The following DYNC2I1 variants were observed in gnomAD, a reference collection of about 807,000 sequenced individuals.
The protein encoded by DYNC2I1 is dynein 2 intermediate chain 1.
Under a neutral mutation model 133.4 loss-of-function variants are expected in DYNC2I1, and 89 were observed. The observed-to-expected ratio is 0.67, with a 90% confidence interval of 0.56 to 0.80. DYNC2I1 has a LOEUF of 0.80. Among genes scored for constraint, DYNC2I1 ranks in the 30% least tolerant of loss-of-function variants. The probability of loss-of-function intolerance (pLI) is 0.00; values close to 1 mark genes in which losing one functional copy is unlikely to be tolerated. For missense variants in DYNC2I1, 1,291 were observed against 1,314.5 expected (o/e 0.98, Z 0.28); for synonymous variants, 504 against 484.3 (o/e 1.04, Z -0.54).
chr7:158,910,997 C>A (rs181914479), intron 11 of DYNC2I1, among the ~76,000 whole-genome samples: 1 of 150,108 alleles, frequency 6.7e-6, no homozygotes, highest in South Asian at 2.1e-4. Flanking sequence ...GCGCGAATGG[C>A]TGTTTCAGGC....
At chr7:158,909,570 G>C (rs1847180677) in intron 11 of DYNC2I1, among the ~76,000 whole-genome samples, 1 of 152,084 alleles carries the variant, frequency 6.6e-6, no homozygotes, top group Non-Finnish European at 1.5e-5. Flanking sequence ...TGATGGAATG[G>C]CTTGTATCAG....
chr7:158,872,502 G>GCA (rs1842974620), intron 3 of DYNC2I1, among the ~76,000 whole-genome samples: 1 of 152,094 alleles, frequency 6.6e-6, no homozygotes, highest in East Asian at 1.9e-4. Flanking sequence ...AGGCATGGTG[G>GCA]CGTGTGCCTG....
chr7:158,884,921 C>G (rs1191425675), intron 6 of DYNC2I1, among the ~76,000 whole-genome samples: 2 of 151,864 alleles, frequency 1.3e-5, no homozygotes, highest in Admixed American at 6.6e-5. Context: ...TACTTTTGTC[C>G]TTTTTAACAT....
At chr7:158,885,353 T>C (rs1168220555) in intron 6 of DYNC2I1, among the ~76,000 whole-genome samples, 1 of 151,922 alleles carries the variant, frequency 6.6e-6, no homozygotes, top group Non-Finnish European at 1.5e-5. Context: ...CTCTTTTTTT[T>C]TTTTTTGAGA....
At chr7:158,937,498 C>A (rs1377404536) in intron 23 of DYNC2I1, among the ~76,000 whole-genome samples, 1 of 151,778 alleles carries the variant, frequency 6.6e-6, no homozygotes, top group Non-Finnish European at 1.5e-5. Flanking sequence ...TGGTGGCGGG[C>A]GCCTGTAGTC....
At chr7:158,935,804 G>A (rs1159126711) in intron 23 of DYNC2I1, among the ~76,000 whole-genome samples, 2 of 152,188 alleles carry the variant, frequency 1.3e-5, no homozygotes, top group Non-Finnish European at 2.9e-5. Flanking sequence ...TGTGGCTCAC[G>A]CCTGTAATCC....
At chr7:158,871,981 G>A (rs981074006) in intron 3 of DYNC2I1, among the ~76,000 whole-genome samples, 1 of 152,202 alleles carries the variant, frequency 6.6e-6, no homozygotes, top group African/African-American at 2.4e-5. Flanking sequence ...CGGGGTGTGT[G>A]TGTGTGTACT....
At chr7:158,911,933 G>C (rs147658567) in intron 12 of DYNC2I1, among the ~76,000 whole-genome samples, 4 of 152,194 alleles carry the variant, frequency 2.6e-5, no homozygotes, top group Admixed American at 2.6e-4. Context: ...GGGACAGAAT[G>C]GCTGCTGTCC....
intron 24 of DYNC2I1, among the ~76,000 whole-genome samples, chr7:158,942,496 T>A (rs867334539): frequency 6.6e-6 from 1 of 152,238 alleles, no homozygotes; most frequent in Non-Finnish European, 1.5e-5. Flanking sequence ...ATAATATTTT[T>A]AAAATCACTT....
chr7:158,887,986 CTG>C (rs1844774415), intron 7 of DYNC2I1, among the ~76,000 whole-genome samples: 1 of 147,854 alleles, frequency 6.8e-6, no homozygotes, highest in Non-Finnish European at 1.5e-5. Flanking sequence ...AAATAGCACA[CTG>C]TGGAGTTAGG....
intron 3 of DYNC2I1, among the ~76,000 whole-genome samples, chr7:158,875,668 C>T (rs1843288777): frequency 3.3e-5 from 5 of 152,122 alleles, no homozygotes; most frequent in Admixed American, 2.0e-4. Context: ...AGTCTGGTGC[C>T]CTGGGGAGTC....
intron 24 of DYNC2I1, among the ~76,000 whole-genome samples, 164 bp downstream of exon 24, chr7:158,942,312 G>GT (rs1851456560): frequency 6.6e-6 from 1 of 152,224 alleles, no homozygotes; most frequent in Non-Finnish European, 1.5e-5. Flanking sequence ...AAAAAGTATT[G>GT]TTTTTGAGAG....
chr7:158,936,695 G>A (rs1272691444), intron 23 of DYNC2I1, among the ~76,000 whole-genome samples: 1 of 152,180 alleles, frequency 6.6e-6, no homozygotes, highest in Non-Finnish European at 1.5e-5. Context: ...AATCAGAGTG[G>A]CCGCTCATAG....
intron 17 of DYNC2I1, 33 bp from the exon 18 acceptor site, chr7:158,926,154 T>C (rs780100941): frequency 6.5e-7 from 1 of 1,533,960 alleles, no homozygotes; most frequent in Non-Finnish European, 9.0e-7. Context: ...ACTTACTACT[T>C]ACACGTGGAT....
At chr7:158,933,326 G>A (rs1208858068) in intron 21 of DYNC2I1, among the ~76,000 whole-genome samples, 1 of 152,216 alleles carries the variant, frequency 6.6e-6, no homozygotes, top group Non-Finnish European at 1.5e-5. Context: ...ATAAGCTTTT[G>A]AGCTGCTATG....
chr7:158,906,359 G>T (rs1015789509), intron 11 of DYNC2I1, among the ~76,000 whole-genome samples: 25 of 152,082 alleles, frequency 1.6e-4, no homozygotes, highest in Admixed American at 1.5e-3. Context: ...CGAGAAATTT[G>T]TAAAATTTAG....
the DYNC2I1 span, among the ~76,000 whole-genome samples, chr7:158,849,989 G>T: frequency 6.6e-6 from 1 of 152,170 alleles, no homozygotes; most frequent in Non-Finnish European, 1.5e-5. Flanking sequence ...TGGCCCTTTT[G>T]CCCAGGAATC....
chr7:158,905,304 C>T, intron 10 of DYNC2I1: 1 of 301,412 alleles, frequency 3.3e-6, no homozygotes, highest in Non-Finnish European at 6.4e-6. Flanking sequence ...CCATGCCTGT[C>T]TAATTTTTGT....
the DYNC2I1 span, among the ~76,000 whole-genome samples, chr7:158,844,226 A>T: frequency 2.0e-5 from 3 of 152,164 alleles, no homozygotes; most frequent in African/African-American, 7.2e-5. Context: ...TCACAAAGGG[A>T]AATACATTTG....
Sources: allele counts gnomAD v4.1 joint callset (sites outside exome capture counted in the v4.1 genomes callset), GRCh38; gene constraint gnomAD v4.1.1; transcripts MANE v1.5; gene names NCBI Gene and HGNC (gene_info 2026-07-23, HGNC 2026-07-21).